Variants in ANKRD11 observed in about 807,000 individuals in gnomAD.
ANKRD11 encodes ankyrin repeat domain 11, also known as ankyrin repeat domain-containing protein 11.
In ANKRD11, 17 loss-of-function variants were observed where a neutral mutation model predicts 195.7. The observed-to-expected ratio is 0.09, with a 90% CI of 0.06 to 0.13. The LOEUF (loss-of-function observed/expected upper bound fraction) is 0.13. ANKRD11 is among the 10% of genes least tolerant of loss of function. ANKRD11 has a pLI of 1.00. For synonymous variants in ANKRD11, 1,953 were observed against 1,528.1 expected (o/e 1.28, Z -6.49); for missense variants, 3,735 against 3,566.1 (o/e 1.05, Z -1.21).
chr16:89,482,876 C>T (rs979551137), intron 1 of ANKRD11, among the ~76,000 whole-genome samples: 2 of 152,224 alleles, frequency 1.3e-5, no homozygotes, highest in African/African-American at 4.8e-5. Flanking sequence ...CGAATGCAGG[C>T]AGCCTCTGGA....
chr16:89,432,972 C>T (rs1457623066), intron 1 of ANKRD11, among the ~76,000 whole-genome samples: 1 of 148,966 alleles, frequency 6.7e-6, no homozygotes, highest in Non-Finnish European at 1.5e-5. Flanking sequence ...CTCTCTCTCT[C>T]TCTCTCTCTC....
chr16:89,435,375 C>T (rs867565751), intron 1 of ANKRD11, among the ~76,000 whole-genome samples: 1 of 152,198 alleles, frequency 6.6e-6, no homozygotes, highest in African/African-American at 2.4e-5. Flanking sequence ...CAGCAACCCA[C>T]TGGGGTCCCC....
At chr16:89,407,852 C>CAA (rs60723753) in intron 2 of ANKRD11, among the ~76,000 whole-genome samples, 42 of 111,424 alleles carry the variant, frequency 3.8e-4, no homozygotes, top group South Asian at 5.9e-4. Flanking sequence ...TGTCTCCCTC[C>CAA]AAAAAAAAAA....
At chr16:89,449,623 G>A (rs1297829958) in intron 1 of ANKRD11, among the ~76,000 whole-genome samples, 5 of 151,710 alleles carry the variant, frequency 3.3e-5, no homozygotes, top group Admixed American at 6.6e-5. Context: ...GAGAAACCCC[G>A]TCTCTACTAA....
At chr16:89,378,375 TATA>T (rs1420151115) in intron 2 of ANKRD11, among the ~76,000 whole-genome samples, 2 of 152,212 alleles carry the variant, frequency 1.3e-5, no homozygotes, top group Non-Finnish European at 2.9e-5. Context: ...ACCAAACATA[TATA>T]ATGATTTCAT....
At position 89,490,447 on chromosome 16, in the gene ANKRD11, G is replaced by T; in HGVS notation, c.-347C>A. ...TCGGGCGCGCCCACGGCTCGGGCGA[G>T]AGCCGCGGCTCCCGGTGCGGACGCT... is the stretch of plus-strand genomic sequence containing the variant. On this transcript the variant is annotated 5_prime_UTR_variant, in exon 1 of 13. Coordinates refer to ENST00000301030, the MANE Select transcript of ANKRD11 (RefSeq NM_013275.6). 2.7e-6 allele frequency: 1 copy of T among 366,604 alleles called. No individual in the cohort carries two copies. Among genetic ancestry groups the T allele is most frequent in the South Asian group, 8.1e-5 (1 of 12,412 alleles). 22.7% of individuals were successfully genotyped at this position (366,604 alleles called of 1,614,324 possible). A position where few individuals can be genotyped will look rare whatever the true frequency, so the allele number is the denominator to read the frequency against.
chr16:89,277,301 G>A (rs1453042771), intron 9 of ANKRD11, among the ~76,000 whole-genome samples: 3 of 152,144 alleles, frequency 2.0e-5, no homozygotes, highest in African/African-American at 7.2e-5. Context: ...CCCCAGGGCC[G>A]GCAGCTACAG....
At chr16:89,314,345 C>A (rs2036813000) in intron 3 of ANKRD11, among the ~76,000 whole-genome samples, 1 of 152,216 alleles carries the variant, frequency 6.6e-6, no homozygotes, top group Non-Finnish European at 1.5e-5. Flanking sequence ...AGAGTGAAAT[C>A]CACACATCCC....
intron 1 of ANKRD11, among the ~76,000 whole-genome samples, chr16:89,469,681 G>A (rs1008035493): frequency 4.0e-5 from 6 of 150,338 alleles, no homozygotes; most frequent in Non-Finnish European, 5.9e-5. Flanking sequence ...GGCGGATCAC[G>A]AGGTCAGGAG....
intron 2 of ANKRD11, among the ~76,000 whole-genome samples, chr16:89,413,831 G>A (rs558778133): frequency 5.5e-4 from 84 of 152,252 alleles, no homozygotes; most frequent in African/African-American, 2.0e-3. Context: ...GGATGCAGAG[G>A]GGCCTGCCCA....
intron 1 of ANKRD11, among the ~76,000 whole-genome samples, chr16:89,489,474 C>G (rs1018085512): frequency 1.3e-5 from 2 of 149,030 alleles, no homozygotes; most frequent in Non-Finnish European, 3.0e-5. Context: ...CCTCGGCCTA[C>G]GCGCGCCTCC....
intron 2 of ANKRD11, among the ~76,000 whole-genome samples, chr16:89,382,658 C>A (rs1399207187): frequency 1.3e-5 from 2 of 151,498 alleles, no homozygotes; most frequent in African/African-American, 2.4e-5. Context: ...AATTCCCCCC[C>A]TCCAGTAGAT....
chr16:89,313,451 C>A, intron 3 of ANKRD11: 1 of 1,289,198 alleles, frequency 7.8e-7, no homozygotes, highest in African/African-American at 1.5e-5. Flanking sequence ...ACACGCCTGC[C>A]ACTGTGCTCA....
chr16:89,320,587 C>A (rs745724413), intron 2 of ANKRD11, among the ~76,000 whole-genome samples: 1 of 152,180 alleles, frequency 6.6e-6, no homozygotes, highest in African/African-American at 2.4e-5. Flanking sequence ...GTCCCAGCTT[C>A]GTGGACTGTC....
chr16:89,334,701 A>T (rs1253388757), intron 2 of ANKRD11, among the ~76,000 whole-genome samples: 2 of 152,094 alleles, frequency 1.3e-5, no homozygotes, highest in Non-Finnish European at 2.9e-5. Flanking sequence ...GGCACACCCC[A>T]GGGATGAGCA....
intron 9 of ANKRD11, chr16:89,277,857 C>T (rs2033791266): frequency 1.3e-5 from 2 of 155,010 alleles, no homozygotes; most frequent in South Asian, 2.0e-4. Context: ...CAGACCCCGT[C>T]ATCCTCACCA....
chr16:89,484,574 A>C (rs1388636968), intron 1 of ANKRD11, among the ~76,000 whole-genome samples: 1 of 152,354 alleles, frequency 6.6e-6, no homozygotes. Context: ...AAAGAGCCAT[A>C]GGGAGTCGAG....
chr16:89,368,308 T>C (rs1172013715), intron 2 of ANKRD11, among the ~76,000 whole-genome samples: 1 of 149,284 alleles, frequency 6.7e-6, no homozygotes, highest in East Asian at 2.0e-4. Context: ...GCGATTCTCC[T>C]GCCATAGCCT....
At chr16:89,324,440 T>C (rs915700063) in intron 2 of ANKRD11, 6 of 462,872 alleles carry the variant, frequency 1.3e-5, no homozygotes, top group Middle Eastern at 3.2e-4. Context: ...AAGGTAAGTG[T>C]GAGGGTTACT....
Sources: gnomAD v4.1 joint callset for allele counts (sites outside exome capture counted in the v4.1 genomes callset) on GRCh38, gnomAD v4.1.1 for gene constraint, MANE v1.5 for transcripts, NCBI Gene and HGNC (gene_info 2026-07-23, HGNC 2026-07-21) for gene names.